Variants in TAFA5 observed in about 807,000 individuals in gnomAD.
TAFA5 encodes chemokine-like protein TAFA-5.
Under a neutral mutation model 15.3 loss-of-function variants are expected in TAFA5, and 6 were observed. That is an observed-to-expected ratio of 0.39 (90% CI 0.21 to 0.77). TAFA5 has a LOEUF of 0.77. Among genes scored for constraint, TAFA5 ranks in the 30% least tolerant of loss-of-function variants. TAFA5 has a pLI of 0.41. For synonymous variants in TAFA5, 103 were observed against 80.7 expected (o/e 1.28, Z -1.48); for missense variants, 161 against 193.1 (o/e 0.83, Z 0.98).
chr22:48,643,098 C>T (rs1926740879), intron 1 of TAFA5, among the ~76,000 whole-genome samples: 1 of 152,238 alleles, frequency 6.6e-6, no homozygotes, highest in Admixed American at 6.5e-5. Context: ...AGGCTCCAGG[C>T]ATCCACCTGC....
At chr22:48,496,035 C>G (rs1928312224) in intron 1 of TAFA5, among the ~76,000 whole-genome samples, 1 of 152,230 alleles carries the variant, frequency 6.6e-6, no homozygotes, top group Non-Finnish European at 1.5e-5. Context: ...CCCGTGAAGG[C>G]CCGGCTTACT....
chr22:48,581,552 C>A (rs1025787696), intron 1 of TAFA5, among the ~76,000 whole-genome samples: 2 of 152,214 alleles, frequency 1.3e-5, no homozygotes, highest in Non-Finnish European at 2.9e-5. Flanking sequence ...GGAGAGGGGC[C>A]ACTGGCGAGG....
intron 2 of TAFA5, among the ~76,000 whole-genome samples, chr22:48,661,886 C>T (rs990010862): frequency 4.0e-5 from 6 of 150,942 alleles, no homozygotes; most frequent in African/African-American, 1.5e-4. Context: ...CATTGGGGTG[C>T]CCACTTTGGG....
chr22:48,500,474 G>A (rs373434028), intron 1 of TAFA5, among the ~76,000 whole-genome samples: 27 of 152,344 alleles, frequency 1.8e-4, no homozygotes, highest in Middle Eastern at 3.4e-3. Context: ...GCACAGACGG[G>A]TGACCAGGTG....
intron 2 of TAFA5, among the ~76,000 whole-genome samples, chr22:48,700,588 G>A (rs749807545): frequency 6.7e-6 from 1 of 150,314 alleles, no homozygotes; most frequent in African/African-American, 2.5e-5. Context: ...TCTCCCTCGG[G>A]AGTGGGGGTG....
Position 48,672,378 on chromosome 22 carries a change from T to C in TAFA5, c.262+25632T>C, listed in dbSNP as rs376640770. Among the ~76,000 whole-genome samples, 5 of 152,330 alleles carry C rather than the reference T, an allele frequency of 3.3e-5. No individual in the cohort carries two copies. The South Asian group carries it at 6.2e-4, about 19-fold the overall frequency. On this transcript the variant is annotated intron_variant, in intron 2 of 3. Transcript: ENST00000402357. ...GAAAATTGTAGCCTAAAGAAGAAAATGGAAATAGTTCTTTTATTGCCCTAA... is the reference window on the plus strand; with the variant it reads ...GAAAATTGTAGCCTAAAGAAGAAAACGGAAATAGTTCTTTTATTGCCCTAA...
intron 1 of TAFA5, among the ~76,000 whole-genome samples, chr22:48,595,437 G>A (rs1924730769): frequency 6.6e-6 from 1 of 152,258 alleles, no homozygotes; most frequent in Non-Finnish European, 1.5e-5. Flanking sequence ...CTGTGGAAGA[G>A]GTCGGGGAAG....
chr22:48,662,415 G>C (rs1467401324), intron 2 of TAFA5, among the ~76,000 whole-genome samples: 1 of 152,216 alleles, frequency 6.6e-6, no homozygotes, highest in African/African-American at 2.4e-5. Flanking sequence ...AGGGCAGCAA[G>C]AGGAGTCTGC....
At chr22:48,621,417 C>T (rs950774880) in intron 1 of TAFA5, among the ~76,000 whole-genome samples, 4 of 151,912 alleles carry the variant, frequency 2.6e-5, no homozygotes, top group Non-Finnish European at 4.4e-5. Context: ...ATGGCATCAG[C>T]AGATATGCCC....
At chr22:48,522,309 G>A (rs1921629970) in intron 1 of TAFA5, among the ~76,000 whole-genome samples, 1 of 151,998 alleles carries the variant, frequency 6.6e-6, no homozygotes, top group Non-Finnish European at 1.5e-5. Context: ...CTGCCTTGGG[G>A]GCTCTGAACA....
intron 1 of TAFA5, among the ~76,000 whole-genome samples, chr22:48,644,205 C>T (rs1926783512): frequency 6.6e-6 from 1 of 152,230 alleles, no homozygotes. Flanking sequence ...AGTTCCCGCC[C>T]CACAGCCTTC....
intron 1 of TAFA5, among the ~76,000 whole-genome samples, chr22:48,521,968 C>T (rs185092727): frequency 4.6e-5 from 7 of 152,250 alleles, no homozygotes; most frequent in Middle Eastern, 6.8e-3. Flanking sequence ...GGACAGAGGC[C>T]GAGCTCCCGG....
intron 1 of TAFA5, among the ~76,000 whole-genome samples, chr22:48,630,078 G>A (rs1350892280): frequency 6.6e-6 from 1 of 152,244 alleles, no homozygotes; most frequent in East Asian, 1.9e-4. Context: ...TGGGGTCGGG[G>A]CGGGGGACGA....
At chr22:48,684,598 G>C (rs938300380) in intron 2 of TAFA5, among the ~76,000 whole-genome samples, 2 of 152,158 alleles carry the variant, frequency 1.3e-5, no homozygotes, top group Admixed American at 1.3e-4. Flanking sequence ...ACCCTGGTAA[G>C]CACCTTGGCC....
chr22:48,637,800 G>T (rs1012832338), intron 1 of TAFA5, among the ~76,000 whole-genome samples: 1 of 151,850 alleles, frequency 6.6e-6, no homozygotes, highest in Non-Finnish European at 1.5e-5. Flanking sequence ...AGCCACTCCC[G>T]CCCACCGAGC....
At chr22:48,704,200 G>GCACA (rs61363637) in intron 2 of TAFA5, among the ~76,000 whole-genome samples, 54 of 150,222 alleles carry the variant, frequency 3.6e-4, no homozygotes, top group East Asian at 1.4e-3. Flanking sequence ...ACACACACGC[G>GCACA]CACACACACA....
intron 1 of TAFA5, among the ~76,000 whole-genome samples, chr22:48,534,644 G>A (rs1420136202): frequency 6.6e-6 from 1 of 152,186 alleles, no homozygotes; most frequent in Non-Finnish European, 1.5e-5. Context: ...TCTCCTCTAG[G>A]TGCTTGCTGG....
At chr22:48,504,079 C>G (rs755763406) in intron 1 of TAFA5, among the ~76,000 whole-genome samples, 1 of 152,322 alleles carries the variant, frequency 6.6e-6, no homozygotes, top group Admixed American at 6.5e-5. Flanking sequence ...CTGGTACCAG[C>G]GATCGAGTGG....
chr22:48,561,822 C>T (rs1481700906), intron 1 of TAFA5, among the ~76,000 whole-genome samples: 5 of 152,168 alleles, frequency 3.3e-5, no homozygotes, highest in South Asian at 2.1e-4. Context: ...TTTGTGTTTC[C>T]GAGGCTCAGC....
Sources: gnomAD v4.1 joint callset for allele counts (sites outside exome capture counted in the v4.1 genomes callset) on GRCh38, gnomAD v4.1.1 for gene constraint, MANE v1.5 for transcripts, NCBI Gene and HGNC (gene_info 2026-07-23, HGNC 2026-07-21) for gene names.